SYN3: variants seen among roughly 807,000 people sequenced by gnomAD.
The protein encoded by SYN3 is synapsin-3.
In SYN3, 35 loss-of-function variants were observed where a neutral mutation model predicts 65.8. The observed-to-expected ratio is 0.53, with a 90% CI of 0.41 to 0.70. The LOEUF (loss-of-function observed/expected upper bound fraction) is 0.70. Among genes scored for constraint, SYN3 ranks in the 30% least tolerant of loss-of-function variants. The pLI, the probability that SYN3 is intolerant of heterozygous loss-of-function variation, is 0.00. For missense variants in SYN3, 680 were observed against 749.0 expected (o/e 0.91, Z 1.08); for synonymous variants, 270 against 292.9 (o/e 0.92, Z 0.80).
chr22:32,841,860 T>TA (rs1480824295), intron 6 of SYN3, among the ~76,000 whole-genome samples: 2 of 151,472 alleles, frequency 1.3e-5, no homozygotes, highest in South Asian at 2.1e-4. Context: ...ACAATTTGTT[T>TA]AAAAAAAAAG....
At chr22:32,770,451 C>T (rs781693369) in intron 6 of SYN3, among the ~76,000 whole-genome samples, 2 of 152,088 alleles carry the variant, frequency 1.3e-5, no homozygotes, top group South Asian at 2.1e-4. Context: ...ACATCTCTAC[C>T]CTCATCTTCT....
intron 4 of SYN3, among the ~76,000 whole-genome samples, chr22:32,883,880 T>C (rs542890291): frequency 6.6e-6 from 1 of 152,322 alleles, no homozygotes; most frequent in South Asian, 2.1e-4. Flanking sequence ...CTCAGAGTGG[T>C]AGTAGAATCT....
intron 2 of SYN3, among the ~76,000 whole-genome samples, chr22:32,997,968 A>G (rs2052934035): frequency 6.7e-6 from 1 of 150,124 alleles, no homozygotes; most frequent in South Asian, 2.1e-4. Flanking sequence ...CGGAGCTTGC[A>G]GTGAGCTGAG....
At chr22:32,814,217 AG>A (rs2047005979) in intron 6 of SYN3, among the ~76,000 whole-genome samples, 2 of 142,334 alleles carry the variant, frequency 1.4e-5, no homozygotes, top group African/African-American at 2.8e-5. Flanking sequence ...AAACAAAGAA[AG>A]GAAAGAAAGA....
intron 6 of SYN3, among the ~76,000 whole-genome samples, chr22:32,695,145 G>A (rs535269497): frequency 2.0e-5 from 3 of 152,020 alleles, no homozygotes; most frequent in Non-Finnish European, 4.4e-5. Flanking sequence ...TTATTGCTCT[G>A]TTCCTTTCTT....
chr22:32,737,422 C>T (rs892711837), intron 6 of SYN3, among the ~76,000 whole-genome samples: 2 of 152,006 alleles, frequency 1.3e-5, no homozygotes, highest in East Asian at 1.9e-4. Flanking sequence ...CCCATTAACT[C>T]GTCATTTAAC....
At chr22:32,679,518 C>A (rs1255844337) in intron 6 of SYN3, among the ~76,000 whole-genome samples, 3 of 152,068 alleles carry the variant, frequency 2.0e-5, no homozygotes, top group African/African-American at 7.2e-5. Flanking sequence ...ATGGATCATA[C>A]GGTAGTTCTA....
rs140644889 is a variant in SYN3 at position 32,912,525 on chromosome 22, G to A, written c.461+18865C>T. 2.2e-3 allele frequency among the ~76,000 whole-genome samples: 339 copies of A among 152,168 alleles called. 1 individual carries two copies. The highest frequency in any genetic ancestry group is 7.9e-3 in the African/African-American group (329 of 41,534). ...GAAGCCAGGAGTTTGAGACAAGCCT[G>A]CGCAACATAGTGAGACCCCCCCATC... On this transcript the variant is annotated intron_variant, in intron 4 of 13. Coordinates refer to ENST00000358763, the MANE Select transcript of SYN3 (RefSeq NM_003490.4).
chr22:32,990,464 C>G (rs1239614231), intron 2 of SYN3, among the ~76,000 whole-genome samples: 3 of 151,984 alleles, frequency 2.0e-5, no homozygotes, highest in Non-Finnish European at 4.4e-5. Context: ...ATCCGCCCAC[C>G]TACCCACCCA....
intron 6 of SYN3, among the ~76,000 whole-genome samples, chr22:32,749,511 G>A (rs1469779189): frequency 1.3e-5 from 2 of 151,958 alleles, no homozygotes; most frequent in Admixed American, 1.3e-4. Flanking sequence ...CACGATGATG[G>A]GTGCCTGTAA....
intron 6 of SYN3, among the ~76,000 whole-genome samples, chr22:32,842,505 C>T (rs2047939165): frequency 6.6e-6 from 1 of 152,180 alleles, no homozygotes; most frequent in African/African-American, 2.4e-5. Flanking sequence ...TGCTGAATCA[C>T]AAGAATCTTT....
intron 3 of SYN3, among the ~76,000 whole-genome samples, chr22:32,969,598 G>C (rs1238546278): frequency 6.6e-6 from 1 of 152,188 alleles, no homozygotes; most frequent in South Asian, 2.1e-4. Context: ...GAAAAGCAGG[G>C]ACCCAGGAGA....
At chr22:32,956,999 A>G (rs769916186) in intron 3 of SYN3, among the ~76,000 whole-genome samples, 2 of 152,198 alleles carry the variant, frequency 1.3e-5, no homozygotes, top group Non-Finnish European at 2.9e-5. Context: ...GATGGATCAG[A>G]GTAAGCCAGG....
intron 2 of SYN3, among the ~76,000 whole-genome samples, chr22:32,999,932 G>A (rs2053009310): frequency 6.6e-6 from 1 of 152,198 alleles, no homozygotes; most frequent in Non-Finnish European, 1.5e-5. Context: ...ACCAGAAGGT[G>A]AACTCAAGAT....
intron 3 of SYN3, among the ~76,000 whole-genome samples, chr22:32,967,787 G>A (rs1489842605): frequency 6.6e-6 from 1 of 152,254 alleles, no homozygotes; most frequent in Non-Finnish European, 1.5e-5. Flanking sequence ...TCCGGGCAGA[G>A]GCTGCTGGCA....
intron 4 of SYN3, among the ~76,000 whole-genome samples, chr22:32,929,279 T>A (rs1329126341): frequency 2.0e-5 from 3 of 152,148 alleles, no homozygotes; most frequent in African/African-American, 7.2e-5. Flanking sequence ...CGAAACTCCA[T>A]CTCAAAACAA....
chr22:32,622,829 C>T (rs1000882101), intron 6 of SYN3, among the ~76,000 whole-genome samples: 1 of 151,420 alleles, frequency 6.6e-6, no homozygotes, highest in Non-Finnish European at 1.5e-5. Context: ...AGACACTCTT[C>T]CTACAAGTTA....
intron 12 of SYN3, among the ~76,000 whole-genome samples, chr22:32,524,932 C>T (rs1179756757): frequency 6.6e-6 from 1 of 152,180 alleles, no homozygotes; most frequent in Admixed American, 6.5e-5. Context: ...CTGCTTGAAC[C>T]AGGACCCGCG....
intron 6 of SYN3, 26 bp downstream of exon 6, chr22:32,864,889 G>A: frequency 6.3e-7 from 1 of 1,594,206 alleles, no homozygotes; most frequent in South Asian, 1.1e-5. Flanking sequence ...ATCATGCAAA[G>A]AAACAGAGTA....
Sources: gnomAD v4.1 joint callset for allele counts (sites outside exome capture counted in the v4.1 genomes callset) on GRCh38, gnomAD v4.1.1 for gene constraint, MANE v1.5 for transcripts, NCBI Gene and HGNC (gene_info 2026-07-23, HGNC 2026-07-21) for gene names.